TCF12: variants seen among roughly 807,000 people sequenced by gnomAD.
The protein encoded by TCF12 is transcription factor 12, also known as DNA-binding protein HTF4.
TCF12 carries 45 observed loss-of-function variants against 86.0 expected under a neutral mutation model. The observed-to-expected ratio is 0.52, with a 90% CI of 0.41 to 0.67. The LOEUF is 0.67. TCF12 is among the 30% of genes least tolerant of loss of function. TCF12 has a pLI of 0.00. For synonymous variants in TCF12, 330 were observed against 299.6 expected (o/e 1.10, Z -1.05); for missense variants, 881 against 859.9 (o/e 1.02, Z -0.31).
chr15:57,129,693 A>T (rs1321625799), intron 5 of TCF12: 5 of 152,238 alleles, frequency 3.3e-5, no homozygotes, highest in Non-Finnish European at 7.3e-5. Context: ...ATGATGTAAT[A>T]AAAAGATGTA....
chr15:57,214,119 AG>A (rs1330418003), intron 8 of TCF12: 1 of 152,270 alleles, frequency 6.6e-6, no homozygotes, highest in East Asian at 1.9e-4. Context: ...GGGGAAAGAA[AG>A]GGACAGCCAA....
chr15:56,995,869 C>T (rs1179887803), intron 3 of TCF12, among the ~76,000 whole-genome samples: 2 of 152,118 alleles, frequency 1.3e-5, no homozygotes, highest in African/African-American at 4.8e-5. Context: ...TTCCAGTTCT[C>T]AAGGGGAATG....
chr15:57,153,574 G>T (rs1437974186), intron 5 of TCF12, among the ~76,000 whole-genome samples: 1 of 152,152 alleles, frequency 6.6e-6, no homozygotes, highest in African/African-American at 2.4e-5. Flanking sequence ...ACATTATATT[G>T]TCGGTTTTAT....
chr15:57,075,431 A>G (rs1315935947), intron 4 of TCF12, among the ~76,000 whole-genome samples: 5 of 152,116 alleles, frequency 3.3e-5, no homozygotes, highest in Non-Finnish European at 7.4e-5. Flanking sequence ...CTGAGATTCC[A>G]CTATTTCCTT....
chr15:57,275,145 A>AG (rs1215633792), intron 19 of TCF12, among the ~76,000 whole-genome samples: 1 of 152,176 alleles, frequency 6.6e-6, no homozygotes, highest in African/African-American at 2.4e-5. Context: ...AGTTCTGTAA[A>AG]GCTCTGTCTA....
At chr15:56,983,364 T>A (rs1309834351) in intron 3 of TCF12, among the ~76,000 whole-genome samples, 1 of 152,198 alleles carries the variant, frequency 6.6e-6, no homozygotes, top group East Asian at 1.9e-4. Context: ...ATGGAACTGA[T>A]AGAAGGTTGC....
intron 3 of TCF12, among the ~76,000 whole-genome samples, chr15:56,981,044 T>C (rs1222803920): frequency 1.8e-4 from 27 of 152,226 alleles, no homozygotes; most frequent in Non-Finnish European, 2.9e-5. Flanking sequence ...TTTTCAATAA[T>C]AAATTCCGGA....
At chr15:57,238,078 G>T (rs1417553546) in intron 12 of TCF12, among the ~76,000 whole-genome samples, 1 of 152,210 alleles carries the variant, frequency 6.6e-6, no homozygotes, top group Non-Finnish European at 1.5e-5. Context: ...ACCAGTGACT[G>T]TGATGGATGA....
At chr15:57,158,506 A>G (rs2151495812) in intron 5 of TCF12, among the ~76,000 whole-genome samples, 2 of 152,212 alleles carry the variant, frequency 1.3e-5, no homozygotes, top group Admixed American at 1.3e-4. Flanking sequence ...AGCCTATTCA[A>G]ATTGCCCAGG....
At chr15:56,953,627 T>C (rs1008787448) in intron 3 of TCF12, among the ~76,000 whole-genome samples, 9 of 152,096 alleles carry the variant, frequency 5.9e-5, no homozygotes, top group Admixed American at 2.0e-4. Context: ...CTTTAGATAA[T>C]CTGTTTCTTC....
chr15:56,970,472 T>C (rs1208471268), intron 3 of TCF12, among the ~76,000 whole-genome samples: 1 of 73,910 alleles, frequency 1.4e-5, no homozygotes, highest in Non-Finnish European at 2.3e-5. Context: ...AGAGCGAGAC[T>C]CCATCTCAAA....
At chr15:57,017,323 T>G (rs2065210053) in intron 3 of TCF12, among the ~76,000 whole-genome samples, 1 of 152,230 alleles carries the variant, frequency 6.6e-6, no homozygotes, top group Non-Finnish European at 1.5e-5. Flanking sequence ...CTAGCTGACT[T>G]AAGGAGAGTC....
chr15:57,258,733 A>G (rs1012717592), intron 16 of TCF12, among the ~76,000 whole-genome samples: 1 of 152,210 alleles, frequency 6.6e-6, no homozygotes, highest in African/African-American at 2.4e-5. Flanking sequence ...GTTAAATTGT[A>G]AAGTGTAAGG....
chr15:57,118,320 G>C (rs1472272860), intron 5 of TCF12: 6 of 152,178 alleles, frequency 3.9e-5, no homozygotes, highest in Admixed American at 1.3e-4. Flanking sequence ...TCTTATTTCT[G>C]TTAACCCATG....
At chr15:57,050,088 A>T (rs2067508087) in intron 3 of TCF12, among the ~76,000 whole-genome samples, 1 of 152,212 alleles carries the variant, frequency 6.6e-6, no homozygotes, top group Non-Finnish European at 1.5e-5. Flanking sequence ...AAAATTAAGG[A>T]TCTTGAAAAG....
chr15:57,011,958 C>T (rs1461968207), intron 3 of TCF12, among the ~76,000 whole-genome samples: 3 of 152,138 alleles, frequency 2.0e-5, no homozygotes, highest in African/African-American at 4.8e-5. Flanking sequence ...CATATTCTAA[C>T]CTTGCTGCTT....
rs762359853 is a variant in TCF12 at position 57,231,222 on chromosome 15, C to T, written c.650C>T (p.Pro217Leu). The change falls in exon 9 of 21, where the codon CCA (proline) becomes CTA (leucine). Residue 217 changes from proline (P) to leucine (L), a missense_variant. Transcript: ENST00000333725. Reference sequence around the variant, plus strand: ...CCTAGTTATCCATCTCCTAAGCCACCAACCAGTATGTTCGCTAGCACTTTC... The same window carrying T: ...CCTAGTTATCCATCTCCTAAGCCACTAACCAGTATGTTCGCTAGCACTTTC... ...ESPSYPSPKP[P>L]TSMFASTFFM... 2 of 1,613,088 alleles carry T rather than the reference C, an allele frequency of 1.2e-6. No homozygotes were observed. The highest frequency in any genetic ancestry group is 2.2e-5 in the South Asian group (2 of 91,050).
At chr15:56,984,730 T>G (rs578186930) in intron 3 of TCF12, among the ~76,000 whole-genome samples, 3 of 152,310 alleles carry the variant, frequency 2.0e-5, no homozygotes, top group Admixed American at 2.0e-4. Flanking sequence ...ATGAAGGATG[T>G]GTGAGCCAAT....
At chr15:56,994,119 A>T (rs2063582236) in intron 3 of TCF12, among the ~76,000 whole-genome samples, 1 of 152,238 alleles carries the variant, frequency 6.6e-6, no homozygotes, top group Admixed American at 6.5e-5. Context: ...TGGATGGGTC[A>T]ATAGCAGAAT....
Sources: allele counts gnomAD v4.1 joint callset (sites outside exome capture counted in the v4.1 genomes callset), GRCh38; gene constraint gnomAD v4.1.1; transcripts MANE v1.5; gene names NCBI Gene and HGNC (gene_info 2026-07-23, HGNC 2026-07-21).